Variants in NF1 observed in about 807,000 individuals in gnomAD.
NF1 encodes the protein neurofibromin 1, also known as neurofibromin.
In NF1, 122 loss-of-function variants were observed where a neutral mutation model predicts 325.7. That is an observed-to-expected ratio of 0.37 (90% confidence interval 0.32 to 0.44). NF1 has a LOEUF of 0.44. Among genes scored for constraint, NF1 ranks in the 20% least tolerant of loss-of-function variants. The pLI is 1.00. For missense variants in NF1, 2,140 were observed against 3,415.4 expected (o/e 0.63, Z 9.31); for synonymous variants, 1,091 against 1,186.0 (o/e 0.92, Z 1.65).
At chr17:31,174,814 G>C (rs1412313392) in intron 5 of NF1, among the ~76,000 whole-genome samples, 1 of 151,918 alleles carries the variant, frequency 6.6e-6, no homozygotes, top group Non-Finnish European at 1.5e-5. Flanking sequence ...ATTGCATATA[G>C]AGCCATCAAA....
chr17:31,250,109 T>TA, intron 30 of NF1: 1 of 432,904 alleles, frequency 2.3e-6, no homozygotes, highest in Non-Finnish European at 4.5e-6. Flanking sequence ...GTTCTATCTG[T>TA]AAAAAAGCTT....
Position 31,358,317 on chromosome 17 carries a change from T to C in NF1, c.7971-163T>C, listed in dbSNP as rs547638569. 7.2e-6 allele frequency: 5 copies of C among 697,696 alleles called. No homozygotes were observed. In the East Asian group the frequency reaches 8.1e-5, roughly 11 times the overall value. The allele number at this position is 697,696 out of a possible 1,614,324, so 43.2% of individuals were successfully genotyped here. ...AACAGACACACACACATGTTCATTG[T>C]AGAAAATTTGGAAAATGAAGAAATG... On this transcript the variant is annotated intron_variant, in intron 54 of 57. Transcript: ENST00000358273.
chr17:31,229,380 G>A lies in NF1; in HGVS notation c.2765G>A (p.Gly922Asp), dbSNP rs1378141985. ...QIRTNVKDLVGLELSPALYPM... is the reference protein window; with the variant it reads ...QIRTNVKDLVDLELSPALYPM... ...CGGACCAATGTTAAGGATCTGGTGG[G>A]TCTAGAATTGAGTCCTGCTCTGTAT... Residue 922 changes from glycine to aspartate, a missense_variant, in exon 21 of 58, where the codon GGT (glycine) becomes GAT (aspartate). Physicochemically the swap from Gly to Asp is moderately conservative, Grantham distance 94. Around this residue, in one of 10 missense-constraint regions of NF1, gnomAD observed 380 missense variants for 639.3 expected, o/e 0.59. Transcript: ENST00000358273. The A allele has an allele frequency of 6.2e-7, 1 of 1,613,818 alleles. No homozygotes were observed. Among genetic ancestry groups the A allele is most frequent in the Non-Finnish European group, 8.5e-7 (1 of 1,179,842 alleles).
intron 10 of NF1, 105 bp from the exon 11 acceptor site, chr17:31,201,297 AAAACTTAGT>A: frequency 6.7e-7 from 1 of 1,481,584 alleles, no homozygotes; most frequent in Admixed American, 1.9e-5. Context: ...CAAGACCTTA[AAAACTTAGT>A]GTTTTTTTTT....
At chr17:31,304,608 A>G in intron 36 of NF1, 2 of 1,614,142 alleles carry the variant, frequency 1.2e-6, no homozygotes, top group Non-Finnish European at 1.7e-6. Flanking sequence ...GATCTGCATC[A>G]TCTGAAGAAG....
intron 1 of NF1, among the ~76,000 whole-genome samples, chr17:31,143,170 T>C (rs1294436293): frequency 1.3e-5 from 2 of 152,208 alleles, no homozygotes; most frequent in Admixed American, 1.3e-4. Context: ...GGAAAATCTT[T>C]ATTACTCCAA....
chr17:31,149,391 T>C (rs556029260), intron 1 of NF1, among the ~76,000 whole-genome samples: 3 of 152,120 alleles, frequency 2.0e-5, no homozygotes, highest in Admixed American at 6.6e-5. Flanking sequence ...CTCTGCCCCC[T>C]GGGTTGAAGC....
At chr17:31,194,101 G>A (rs549220352) in intron 8 of NF1, among the ~76,000 whole-genome samples, 53 of 152,272 alleles carry the variant, frequency 3.5e-4, no homozygotes, top group African/African-American at 1.2e-3. Flanking sequence ...GTTTATTGCA[G>A]CACTATTCAC....
intron 12 of NF1, among the ~76,000 whole-genome samples, chr17:31,213,487 G>T (rs1031827387): frequency 2.0e-5 from 3 of 152,120 alleles, no homozygotes; most frequent in Admixed American, 6.5e-5. Context: ...TGTTTACCTG[G>T]ACATTTGTAT....
At chr17:31,271,294 G>A (rs1002903161) in intron 36 of NF1, among the ~76,000 whole-genome samples, 3 of 152,116 alleles carry the variant, frequency 2.0e-5, no homozygotes, top group South Asian at 2.1e-4. Context: ...TGTCATTGGC[G>A]CAATATCATT....
At chr17:31,250,031 A>G (rs1368102787) in intron 30 of NF1, 7 of 499,376 alleles carry the variant, frequency 1.4e-5, no homozygotes, top group East Asian at 4.6e-5. Flanking sequence ...TGAAATCACC[A>G]TTTTAAAAGC....
chr17:31,233,335 G>A, intron 27 of NF1, 122 bp downstream of exon 27: 1 of 989,918 alleles, frequency 1.0e-6, no homozygotes, highest in Non-Finnish European at 1.6e-6. Context: ...GAAGAAAGAT[G>A]TTTAGTTAGG....
intron 40 of NF1, among the ~76,000 whole-genome samples, chr17:31,335,662 T>C (rs2069647931): frequency 6.6e-6 from 1 of 151,698 alleles, no homozygotes; most frequent in Non-Finnish European, 1.5e-5. Flanking sequence ...AACATCCTGG[T>C]ACTTAATGTC....
rs771835288 is a variant in NF1 at position 31,337,848 on chromosome 17, G to A, written c.6672G>A (p.Lys2224=). ...GCATGAGAGATATTCCAACGTGCAAGTGGCTGGACCAGTGGACAGAACTAG... is the reference window on the plus strand; with the variant it reads ...GCATGAGAGATATTCCAACGTGCAAATGGCTGGACCAGTGGACAGAACTAG... ...EACMRDIPTC[K]WLDQWTELAQ... The change falls in exon 44 of 58, where the codon AAG becomes AAA. Residue 2224 remains lysine, a synonymous_variant. Transcript: ENST00000358273. 1.9e-6 allele frequency: 3 copies of A among 1,613,856 alleles called. No homozygotes were observed. The highest frequency in any genetic ancestry group is 2.5e-6 in the Non-Finnish European group (3 of 1,179,924).
chr17:31,163,064 A>T, intron 3 of NF1, 122 bp from the exon 4 acceptor site: 2 of 814,628 alleles, frequency 2.5e-6, no homozygotes, highest in Non-Finnish European at 4.0e-6. Flanking sequence ...TGTTAAATCT[A>T]GGTGGTGTGT....
intron 1 of NF1, among the ~76,000 whole-genome samples, chr17:31,130,305 T>C (rs1449451924): frequency 6.6e-6 from 1 of 152,174 alleles, no homozygotes; most frequent in Non-Finnish European, 1.5e-5. Flanking sequence ...CTCCTGGACC[T>C]CTGGTCACAA....
chr17:31,312,053 G>A (rs758983498), intron 36 of NF1, among the ~76,000 whole-genome samples: 3 of 151,862 alleles, frequency 2.0e-5, no homozygotes, highest in Non-Finnish European at 4.4e-5. Flanking sequence ...AAATTTTGTG[G>A]TGATTTTTTT....
At chr17:31,193,037 G>A (rs2143837374) in intron 8 of NF1, among the ~76,000 whole-genome samples, 1 of 152,176 alleles carries the variant, frequency 6.6e-6, no homozygotes, top group Admixed American at 6.5e-5. Flanking sequence ...ACTGCAAAGG[G>A]TTAAATGTAT....
At chr17:31,234,736 A>T (rs2067172392) in intron 27 of NF1, among the ~76,000 whole-genome samples, 1 of 149,172 alleles carries the variant, frequency 6.7e-6, no homozygotes, top group South Asian at 2.2e-4. Context: ...GTTGAGTTTT[A>T]TATTAAATGA....
Sources: gnomAD v4.1 joint callset for allele counts (sites outside exome capture counted in the v4.1 genomes callset) on GRCh38, gnomAD v4.1.1 for gene constraint, gnomAD v4.1.1 regional missense constraint, MANE v1.5 for transcripts, NCBI Gene and HGNC (gene_info 2026-07-23, HGNC 2026-07-21) for gene names.